Variants in DENND1A observed in about 807,000 individuals in gnomAD.
DENND1A encodes the protein DENN domain containing 1A, also known as DENN domain-containing protein 1A.
In DENND1A, 51 loss-of-function variants were observed where a neutral mutation model predicts 113.7. The ratio of observed to expected loss-of-function variants is 0.45; its 90% CI spans 0.36 to 0.57. The LOEUF (loss-of-function observed/expected upper bound fraction) is 0.57, where lower values mean the gene tolerates loss of function less well. Ranked by LOEUF, DENND1A falls within the 20% of genes least tolerant of loss-of-function variation. DENND1A has a pLI of 0.00. For synonymous variants in DENND1A, 565 were observed against 570.8 expected (o/e 0.99, Z 0.14); for missense variants, 1,258 against 1,395.9 (o/e 0.90, Z 1.57).
intron 2 of DENND1A, among the ~76,000 whole-genome samples, chr9:123,850,074 T>C (rs1439991440): frequency 1.3e-5 from 2 of 152,246 alleles, no homozygotes; most frequent in East Asian, 3.8e-4. Flanking sequence ...CAAGAAAGCA[T>C]TTATAATATT....
chr9:123,385,952 G>A (rs1038446061), intron 22 of DENND1A, among the ~76,000 whole-genome samples: 1 of 152,154 alleles, frequency 6.6e-6, no homozygotes, highest in Non-Finnish European at 1.5e-5. Context: ...GAGTTAGGAT[G>A]GGCTAGTTTC....
At chr9:123,468,642 C>A (rs1165744855) in intron 13 of DENND1A, among the ~76,000 whole-genome samples, 10 of 152,198 alleles carry the variant, frequency 6.6e-5, no homozygotes, top group Non-Finnish European at 1.5e-5. Context: ...CTTACAGGGT[C>A]AGCTGTGGCA....
At chr9:123,785,028 A>G (rs1319185155) in intron 3 of DENND1A, among the ~76,000 whole-genome samples, 1 of 152,140 alleles carries the variant, frequency 6.6e-6, no homozygotes, top group Non-Finnish European at 1.5e-5. Context: ...CAGCATATGG[A>G]CATTACTGAA....
intron 21 of DENND1A, among the ~76,000 whole-genome samples, chr9:123,397,887 T>C (rs2043214956): frequency 6.6e-6 from 1 of 152,146 alleles, no homozygotes; most frequent in Non-Finnish European, 1.5e-5. Context: ...GTGGCTGAGT[T>C]TGGACCCTTC....
At chr9:123,538,188 T>C (rs2055937576) in intron 13 of DENND1A, among the ~76,000 whole-genome samples, 1 of 152,250 alleles carries the variant, frequency 6.6e-6, no homozygotes, top group African/African-American at 2.4e-5. Context: ...ATTTTATTAT[T>C]CCTTCTGCCC....
chr9:123,536,853 C>T (rs1282076627), intron 13 of DENND1A, among the ~76,000 whole-genome samples: 1 of 152,156 alleles, frequency 6.6e-6, no homozygotes, highest in Non-Finnish European at 1.5e-5. Context: ...TTGACCACCA[C>T]CAAAAACAAC....
chr9:123,606,256 T>G (rs1206603272), intron 11 of DENND1A, among the ~76,000 whole-genome samples: 1 of 152,180 alleles, frequency 6.6e-6, no homozygotes, highest in Non-Finnish European at 1.5e-5. Context: ...AGGAAACACT[T>G]CTTTGTTCAT....
intron 13 of DENND1A, among the ~76,000 whole-genome samples, chr9:123,474,807 C>T (rs544296972): frequency 1.3e-5 from 2 of 152,260 alleles, no homozygotes; most frequent in South Asian, 2.1e-4. Flanking sequence ...CTAGCATATA[C>T]CTTCACCCTG....
intron 13 of DENND1A, among the ~76,000 whole-genome samples, chr9:123,553,713 C>A (rs1003279345): frequency 6.6e-6 from 1 of 152,240 alleles, no homozygotes; most frequent in South Asian, 2.1e-4. Context: ...TCTCACCTTG[C>A]GACGATAGGA....
At position 123,625,732 on chromosome 9, in the gene DENND1A, A is replaced by C. The variant is rs918237411; in HGVS notation, c.719+4644T>G. Among the ~76,000 whole-genome samples, 8 of 152,348 alleles carry C rather than the reference A, an allele frequency of 5.3e-5. No homozygotes were observed. The East Asian group carries it at 1.5e-3, about 29-fold the overall frequency. ...GCATTCCAGCCTGGGTGACAAAGCA[A>C]GACCTTGTCTCATAAAATAAAATAA... On this transcript the variant is annotated intron_variant, in intron 10 of 23. Coordinates refer to ENST00000394215, the MANE Select transcript of DENND1A (RefSeq NM_001352964.2).
At chr9:123,477,305 T>C (rs1376993853) in intron 13 of DENND1A, among the ~76,000 whole-genome samples, 8 of 152,140 alleles carry the variant, frequency 5.3e-5, no homozygotes, top group Non-Finnish European at 1.2e-4. Flanking sequence ...CAAGGCAAGA[T>C]TGCTTTGGGC....
chr9:123,571,459 C>T (rs1399782111), intron 12 of DENND1A, among the ~76,000 whole-genome samples: 2 of 152,222 alleles, frequency 1.3e-5, no homozygotes, highest in Non-Finnish European at 2.9e-5. Context: ...GCAGTCAGGC[C>T]CTGCCTCCTC....
At chr9:123,895,749 T>C (rs544833740) in intron 1 of DENND1A, among the ~76,000 whole-genome samples, 5 of 152,224 alleles carry the variant, frequency 3.3e-5, no homozygotes, top group African/African-American at 1.2e-4. Context: ...TGTAGTCCAA[T>C]GCATGCTCCA....
At chr9:123,441,648 G>A (rs1442626308) in intron 18 of DENND1A, among the ~76,000 whole-genome samples, 1 of 152,138 alleles carries the variant, frequency 6.6e-6, no homozygotes, top group Non-Finnish European at 1.5e-5. Context: ...TAAGGGTCCC[G>A]TGTTTTATTC....
chr9:123,869,117 T>C (rs956517021), intron 2 of DENND1A, among the ~76,000 whole-genome samples: 3 of 152,346 alleles, frequency 2.0e-5, no homozygotes, highest in East Asian at 1.9e-4. Flanking sequence ...ATTTGTGTGA[T>C]AGCTTTCATA....
chr9:123,507,046 G>A (rs1430939654), intron 13 of DENND1A, among the ~76,000 whole-genome samples: 1 of 152,120 alleles, frequency 6.6e-6, no homozygotes, highest in Admixed American at 6.5e-5. Context: ...AAAATTAGCT[G>A]GGCATGGTGG....
chr9:123,876,632 A>G (rs191115210), intron 2 of DENND1A, among the ~76,000 whole-genome samples: 1 of 152,212 alleles, frequency 6.6e-6, no homozygotes, highest in African/African-American at 2.4e-5. Flanking sequence ...AACAATTGAC[A>G]AATCTAAGGA....
At chr9:123,444,968 C>T (rs1452293168) in intron 18 of DENND1A, among the ~76,000 whole-genome samples, 1 of 152,222 alleles carries the variant, frequency 6.6e-6, no homozygotes, top group South Asian at 2.1e-4. Flanking sequence ...CTTCCTGGAG[C>T]CCCGAGGCTC....
chr9:123,434,322 C>T (rs368559473), intron 19 of DENND1A, among the ~76,000 whole-genome samples: 51 of 152,210 alleles, frequency 3.4e-4, no homozygotes, highest in African/African-American at 1.1e-3. Context: ...CCACCATGCC[C>T]GGCCTCACTT....
Sources: allele counts gnomAD v4.1 joint callset (sites outside exome capture counted in the v4.1 genomes callset), GRCh38; gene constraint gnomAD v4.1.1; transcripts MANE v1.5; gene names NCBI Gene and HGNC (gene_info 2026-07-23, HGNC 2026-07-21).